PCDHGA4: variants seen among roughly 807,000 people sequenced by gnomAD.
PCDHGA4 encodes the protein protocadherin gamma-A4.
A neutral mutation model predicts 54.6 loss-of-function variants in PCDHGA4; 38 were observed. The ratio of observed to expected loss-of-function variants is 0.70; its 90% CI spans 0.54 to 0.91. The LOEUF is 0.91. PCDHGA4 is among the 40% of genes least tolerant of loss of function. The probability of loss-of-function intolerance (pLI) is 0.00; values close to 1 mark genes in which losing one functional copy is unlikely to be tolerated. For synonymous variants in PCDHGA4, 511 were observed against 512.9 expected (o/e 1.00, Z 0.05); for missense variants, 1,298 against 1,220.9 (o/e 1.06, Z -0.94).
intron 1 of PCDHGA4, chr5:141,422,216 C>T (rs1241784107): frequency 6.4e-7 from 1 of 1,563,862 alleles, no homozygotes; most frequent in African/African-American, 1.4e-5. Flanking sequence ...GGTCTCTTTA[C>T]CACCACGACG....
At chr5:141,482,239 A>G (rs529504334) in intron 1 of PCDHGA4, among the ~76,000 whole-genome samples, 31 of 152,332 alleles carry the variant, frequency 2.0e-4, no homozygotes, top group Middle Eastern at 3.4e-3. Context: ...TGCCAATATA[A>G]GTATAGTACT....
At chr5:141,418,308 T>G in intron 1 of PCDHGA4, 6 of 1,613,946 alleles carry the variant, frequency 3.7e-6, no homozygotes, top group Non-Finnish European at 5.1e-6. Flanking sequence ...AGCCTGGGGA[T>G]GGGAACAATT....
chr5:141,384,812 T>C, intron 1 of PCDHGA4: 1 of 1,613,428 alleles, frequency 6.2e-7, no homozygotes, highest in African/African-American at 1.3e-5. Context: ...AGAGATGCCC[T>C]CAAGCAGAGC....
chr5:141,356,893 C>T lies in PCDHGA4; in HGVS notation c.1786C>T (p.Pro596Ser). 1 of 1,614,200 alleles carries T rather than the reference C, an allele frequency of 6.2e-7. No homozygotes were observed. The highest frequency in any genetic ancestry group is 8.5e-7 in the Non-Finnish European group (1 of 1,180,024). ...QNDNVPEILYPTFPTDGSTGV... is the reference protein window; with the variant it reads ...QNDNVPEILYSTFPTDGSTGV... ...CGACAATGTCCCTGAGATCCTGTAC[C>T]CCACCTTCCCTACTGATGGCTCCAC... The change falls in exon 1 of 4, where the codon CCC becomes TCC. Residue 596 changes from proline (P) to serine (S), a missense_variant. Coordinates refer to ENST00000571252, the MANE Select transcript of PCDHGA4 (RefSeq NM_018917.4).
chr5:141,410,019 A>C, intron 1 of PCDHGA4: 2 of 1,613,204 alleles, frequency 1.2e-6, no homozygotes, highest in African/African-American at 2.7e-5. Context: ...TGGCTGTCCT[A>C]CCACGTGCTG....
Position 141,490,866 on chromosome 5 carries a change from C to T in PCDHGA4, c.2515-3941C>T, listed in dbSNP as rs1408465290. The T allele has an allele frequency of 6.2e-7, 1 of 1,613,906 alleles. No homozygotes were observed. The highest frequency in any genetic ancestry group is 1.7e-5 in the Admixed American group (1 of 60,012). ...TGGGGGTTCGAGACTCCGGCTCTCC[C>T]CCATTGCATGCCAACACATCTCTGC... On this transcript the variant is annotated intron_variant, in intron 1 of 3. Coordinates refer to ENST00000571252, the MANE Select transcript of PCDHGA4 (RefSeq NM_018917.4). The surrounding 1 kb of genome is among the most constrained non-coding windows in gnomAD (Gnocchi z 5.4).
At chr5:141,385,965 G>A (rs368454164) in intron 1 of PCDHGA4, 2 of 152,134 alleles carry the variant, frequency 1.3e-5, no homozygotes, top group Non-Finnish European at 2.9e-5. Flanking sequence ...AAAGGCCATC[G>A]GACAAAACCA....
rs200117787 is a variant in PCDHGA4, at chr5:141,477,443, G to T, written c.2515-17364G>T. ...CCCTTCCCTCTCAGCCCTTACAATA[G>T]TGCGTGTTCAAGTGTCCGACATCAA... On this transcript the variant is annotated intron_variant, in intron 1 of 3. Coordinates refer to ENST00000571252, the MANE Select transcript of PCDHGA4 (RefSeq NM_018917.4). This position sits in a 1 kb window ranked among gnomAD's most constrained non-coding sequence, Gnocchi z 4.9. The T allele has an allele frequency of 1.7e-5, 28 of 1,614,136 alleles. No homozygotes were observed. In the East Asian group the frequency reaches 6.2e-4, roughly 36 times the overall value.
intron 1 of PCDHGA4, among the ~76,000 whole-genome samples, chr5:141,446,482 C>CT (rs112180482): frequency 6.3e-4 from 92 of 147,004 alleles, no homozygotes; most frequent in East Asian, 4.0e-3. Context: ...GGTCATCATT[C>CT]TTTTTTTTTT....
chr5:141,362,320 C>T, intron 1 of PCDHGA4: 1 of 1,614,074 alleles, frequency 6.2e-7, no homozygotes, highest in South Asian at 1.1e-5. Flanking sequence ...CTGTTTTCAG[C>T]CTGGTCTCAG....
chr5:141,418,228 T>C, intron 1 of PCDHGA4: 2 of 1,613,990 alleles, frequency 1.2e-6, no homozygotes, highest in Non-Finnish European at 1.7e-6. Context: ...TTGTGGTGAT[T>C]GAGGATGTTA....
At chr5:141,428,041 TG>T (rs1260865435) in intron 1 of PCDHGA4, 1 of 1,608,448 alleles carries the variant, frequency 6.2e-7, no homozygotes, top group African/African-American at 1.3e-5. Flanking sequence ...GGCTACCTGG[TG>T]ACCAAGGTGG....
rs960870975 is a variant in PCDHGA4 at position 141,417,761 on chromosome 5, C to T, written c.2514+60140C>T. On this transcript the variant is annotated intron_variant, in intron 1 of 3. Coordinates refer to ENST00000571252, the MANE Select transcript of PCDHGA4 (RefSeq NM_018917.4). ...ACACCAGATTGCCAGCTCCGAGACC[C>T]GGGACTCCTCCTGTCCTGGGCCGAA... is the stretch of plus-strand genomic sequence containing the variant. 1.8e-5 allele frequency: 26 copies of T among 1,438,736 alleles called. No homozygotes were observed. The East Asian group carries it at 5.0e-4, about 28-fold the overall frequency. The allele number at this position is 1,438,736 out of a possible 1,614,324, so 89.1% of individuals were successfully genotyped here.
At chr5:141,430,448 G>T in intron 1 of PCDHGA4, 1 of 192,294 alleles carries the variant, frequency 5.2e-6, no homozygotes. Flanking sequence ...ATCCCCTTTT[G>T]AAGAACAGTA....
At position 141,487,943 on chromosome 5, in the gene PCDHGA4, A is replaced by C. The variant is rs2099669443; in HGVS notation, c.2515-6864A>C. ...TACAGTGCACAGGGTACAGTGCACCAGGCAGTCACTTGGACAAAGGTGGCT... is the reference window on the plus strand; with the variant it reads ...TACAGTGCACAGGGTACAGTGCACCCGGCAGTCACTTGGACAAAGGTGGCT... On this transcript the variant is annotated intron_variant, in intron 1 of 3. Coordinates refer to ENST00000571252, the MANE Select transcript of PCDHGA4 (RefSeq NM_018917.4). The surrounding 1 kb of genome is among the most constrained non-coding windows in gnomAD (Gnocchi z 5.0). Among the ~76,000 whole-genome samples, 1 of 152,220 alleles carries C rather than the reference A, an allele frequency of 6.6e-6. No homozygotes were observed.
chr5:141,374,406 T>A (rs748431130), intron 1 of PCDHGA4: 2 of 1,614,018 alleles, frequency 1.2e-6, no homozygotes, highest in East Asian at 2.2e-5. Context: ...AGTTTTAACA[T>A]CCTTGTCGAG....
chr5:141,456,042 C>T (rs1437027249), intron 1 of PCDHGA4, among the ~76,000 whole-genome samples: 3 of 151,886 alleles, frequency 2.0e-5, no homozygotes, highest in Non-Finnish European at 2.9e-5. Flanking sequence ...GGACTACAGG[C>T]GCCCACCACC....
intron 1 of PCDHGA4, among the ~76,000 whole-genome samples, chr5:141,382,057 G>A (rs1777911677): frequency 6.6e-6 from 1 of 151,794 alleles, no homozygotes; most frequent in Non-Finnish European, 1.5e-5. Flanking sequence ...TCAAGCTCCC[G>A]ACCTCAGGTG....
At chr5:141,510,580 G>A (rs947369646) in intron 3 of PCDHGA4, among the ~76,000 whole-genome samples, 7 of 152,248 alleles carry the variant, frequency 4.6e-5, no homozygotes, top group South Asian at 2.1e-4. Flanking sequence ...ACTATTTTAC[G>A]TACCTGACAT....
Sources: gnomAD v4.1 joint callset for allele counts (sites outside exome capture counted in the v4.1 genomes callset) on GRCh38, gnomAD v4.1.1 for gene constraint, Gnocchi (gnomAD v3.1) non-coding constraint, MANE v1.5 for transcripts, NCBI Gene and HGNC (gene_info 2026-07-23, HGNC 2026-07-21) for gene names.